The following SRBD1 variants were observed in gnomAD, a reference collection of about 807,000 sequenced individuals.
The protein encoded by SRBD1 is S1 RNA-binding domain-containing protein 1.
A neutral mutation model predicts 115.3 loss-of-function variants in SRBD1; 88 were observed. That is an observed-to-expected ratio of 0.76 (90% CI 0.64 to 0.91). SRBD1 has a LOEUF of 0.91. Ranked by LOEUF, SRBD1 falls within the 40% of genes least tolerant of loss-of-function variation. SRBD1 has a pLI of 0.00. For missense variants in SRBD1, 1,385 were observed against 1,177.4 expected, an observed-to-expected ratio of 1.18 and a Z score of -2.58; for synonymous variants, 509 against 407.7, an observed-to-expected ratio of 1.25 and a Z score of -2.99.
Position 45,585,737 on chromosome 2 carries a change from C to A in SRBD1, c.686G>T (p.Cys229Phe). The change falls in exon 5 of 21, where the codon TGT (cysteine) becomes TTT (phenylalanine). Residue 229 changes from cysteine (C) to phenylalanine (F), a missense_variant. Coordinates refer to ENST00000263736, the MANE Select transcript of SRBD1 (RefSeq NM_018079.5). ...SERTNIEPWV[C>F]ANIIRLFNDD... is the part of the protein sequence containing the mutation. The stretch of plus-strand genomic sequence containing the variant: ...ATTAAAGAGACGAATGATGTTGGCA[C>A]AAACCCAAGGTTCAATATTAGTTCT... 1.9e-6 allele frequency: 3 copies of A among 1,610,096 alleles called. No individual in the cohort carries two copies. Among genetic ancestry groups the A allele is most frequent in the African/African-American group, 1.3e-5 (1 of 74,794 alleles).
chr2:45,456,808 A>C (rs1447729862), intron 16 of SRBD1, among the ~76,000 whole-genome samples: 2 of 151,958 alleles, frequency 1.3e-5, no homozygotes, highest in Non-Finnish European at 2.9e-5. Flanking sequence ...AGGAAAATTA[A>C]TTACTTATGA....
intron 19 of SRBD1, among the ~76,000 whole-genome samples, chr2:45,394,049 G>T (rs1667077971): frequency 6.6e-6 from 1 of 151,918 alleles, no homozygotes; most frequent in Non-Finnish European, 1.5e-5. Flanking sequence ...TATAGGAGGG[G>T]ATATCAAAAA....
At chr2:45,520,073 CA>C (rs1671235883) in intron 14 of SRBD1, among the ~76,000 whole-genome samples, 1 of 152,042 alleles carries the variant, frequency 6.6e-6, no homozygotes, top group Non-Finnish European at 1.5e-5. Context: ...ACTAACAGGA[CA>C]AAAGTAAAAA....
intron 15 of SRBD1, among the ~76,000 whole-genome samples, chr2:45,483,871 T>C (rs187168189): frequency 3.3e-5 from 5 of 152,192 alleles, no homozygotes; most frequent in East Asian, 1.9e-4. Context: ...AATTACATTT[T>C]TGAACAAGAA....
At chr2:45,465,588 G>A (rs1203945750) in intron 16 of SRBD1, among the ~76,000 whole-genome samples, 1 of 152,088 alleles carries the variant, frequency 6.6e-6, no homozygotes, top group South Asian at 2.1e-4. Flanking sequence ...AAGACTGGAA[G>A]AAAACTAGAA....
intron 14 of SRBD1, among the ~76,000 whole-genome samples, chr2:45,542,150 C>G (rs1671962411): frequency 1.3e-5 from 2 of 152,252 alleles, no homozygotes; most frequent in African/African-American, 4.8e-5. Flanking sequence ...CCCAGCCTCA[C>G]TCCTGTGTTG....
intron 16 of SRBD1, among the ~76,000 whole-genome samples, chr2:45,451,753 AGAGACTTTAAGTTCAT>A (rs1669005288): frequency 6.6e-6 from 1 of 151,792 alleles, no homozygotes; most frequent in East Asian, 1.9e-4. Context: ...GCAGCAACGA[AGAGACTTTAAGTTCAT>A]GTAAATGATG....
chr2:45,570,717 TG>T (rs1672980069), intron 9 of SRBD1, among the ~76,000 whole-genome samples: 1 of 152,162 alleles, frequency 6.6e-6, no homozygotes, highest in Non-Finnish European at 1.5e-5. Context: ...CAGTGGCCTC[TG>T]AAGATGACAG....
rs754059089 is a variant in SRBD1, at chr2:45,599,448, C to T, written c.648+1G>A. ...AAGTGACAGAAAAAGGCTGCACATA[C>T]CTGTACCATGTCCCAATTCATTTCC... On this transcript the variant is annotated splice_donor_variant, in intron 4 of 20. Coordinates refer to ENST00000263736, the MANE Select transcript of SRBD1 (RefSeq NM_018079.5). LOFTEE classifies it high-confidence loss of function. The T allele has an allele frequency of 1.9e-6, 3 of 1,611,826 alleles. No homozygotes were observed. The African/African-American group carries it at 4.0e-5, about 22-fold the overall frequency.
intron 6 of SRBD1, among the ~76,000 whole-genome samples, chr2:45,581,207 C>A (rs532054077): frequency 7.2e-5 from 11 of 152,272 alleles, no homozygotes; most frequent in Non-Finnish European, 1.3e-4. Context: ...AGGGCACCAT[C>A]ATCTCCTGAT....
intron 16 of SRBD1, among the ~76,000 whole-genome samples, chr2:45,426,471 G>A (rs937931681): frequency 1.3e-5 from 2 of 152,172 alleles, no homozygotes; most frequent in Admixed American, 1.3e-4. Context: ...AGAAAGCAGT[G>A]GATCTCCCAG....
chr2:45,599,619 C>G lies in SRBD1; in HGVS notation c.478G>C (p.Val160Leu). ...TCCTTCTTGCATGTACCTCCCCACACAGTGCTTGTGGATGGTGTCTCTGAA... is the reference window on the plus strand; with the variant it reads ...TCCTTCTTGCATGTACCTCCCCACAGAGTGCTTGTGGATGGTGTCTCTGAA... ...NSSETPSTST[V>L]WGGTCKKEEN... is the part of the protein sequence containing the mutation. Residue 160 changes from valine (V) to leucine (L), a missense_variant, in exon 4 of 21, where the codon GTG becomes CTG. Val to Leu is a conservative substitution (Grantham distance 32). Transcript: ENST00000263736. The G allele has an allele frequency of 6.2e-7, 1 of 1,614,226 alleles. No homozygotes were observed. Among genetic ancestry groups the G allele is most frequent in the Non-Finnish European group, 8.5e-7 (1 of 1,180,028 alleles).
At chr2:45,460,213 C>G (rs925647200) in intron 16 of SRBD1, among the ~76,000 whole-genome samples, 1 of 152,160 alleles carries the variant, frequency 6.6e-6, no homozygotes, top group Non-Finnish European at 1.5e-5. Context: ...GCTGCCATCA[C>G]TGGGTCAGTG....
chr2:45,437,998 A>T (rs1328905781), intron 16 of SRBD1, among the ~76,000 whole-genome samples: 2 of 152,192 alleles, frequency 1.3e-5, no homozygotes, highest in African/African-American at 2.4e-5. Flanking sequence ...GTGTAACATT[A>T]TACCATAATG....
chr2:45,599,786 T>A lies in SRBD1; in HGVS notation c.311A>T (p.Lys104Ile), dbSNP rs1411173008. The A allele has an allele frequency of 5.6e-6, 9 of 1,614,024 alleles. No homozygotes were observed. The highest frequency in any genetic ancestry group is 7.6e-6 in the Non-Finnish European group (9 of 1,180,028). Residue 104 changes from lysine (K) to isoleucine (I), a missense_variant, in exon 4 of 21, where the codon AAA becomes ATA. Transcript: ENST00000263736. ...ADTALEDRKN[K>I]LDTVQTLKTA... The stretch of plus-strand genomic sequence containing the variant: ...TTTCAGAGTCTGTACAGTATCCAAT[T>A]TATTTTTTCTGTCTTCTAAAGCAGT...
intron 14 of SRBD1, among the ~76,000 whole-genome samples, chr2:45,528,783 C>A (rs1381794438): frequency 6.6e-6 from 1 of 151,632 alleles, no homozygotes; most frequent in Non-Finnish European, 1.5e-5. Flanking sequence ...GGAAGAGGTA[C>A]AAGAATGCCT....
At chr2:45,443,782 G>A (rs144860802) in intron 16 of SRBD1, among the ~76,000 whole-genome samples, 36 of 138,428 alleles carry the variant, frequency 2.6e-4, no homozygotes, top group African/African-American at 9.8e-4. Context: ...GTGGTTATAT[G>A]CAAATAGTTC....
At position 45,599,472 on chromosome 2, in the gene SRBD1, C is replaced by G. The variant is rs1674017993; in HGVS notation, c.625G>C (p.Glu209Gln). 1 of 1,613,760 alleles carries G rather than the reference C, an allele frequency of 6.2e-7. No homozygotes were observed. The highest frequency in any genetic ancestry group is 1.3e-5 in the African/African-American group (1 of 74,918). Residue 209 changes from glutamate (E) to glutamine (Q), a missense_variant, in exon 4 of 21, where the codon GAA (glutamate) becomes CAA (glutamine). Glu to Gln is a conservative substitution (Grantham distance 29, BLOSUM62 2). Coordinates refer to ENST00000263736, the MANE Select transcript of SRBD1 (RefSeq NM_018079.5). ...ACCTGTACCATGTCCCAATTCATTT[C>G]CACCTCCTCTTTAGTACTATTGGCA... ...ANANSTKEEV[E>Q]MNWDMVQVLS...
Position 45,536,145 on chromosome 2 carries a change from G to A in SRBD1, c.1874+10587C>T, listed in dbSNP as rs188399144. ...CTACTGAGAACACAACAGAATATTT[G>A]CATATTATATAATATAATTAAACAT... On this transcript the variant is annotated intron_variant, in intron 14 of 20. Transcript: ENST00000263736. Among the ~76,000 whole-genome samples, 426 of 151,884 alleles carry A rather than the reference G, an allele frequency of 2.8e-3. 1 individual carries two copies. Among genetic ancestry groups the A allele is most frequent in the African/African-American group, 9.6e-3 (400 of 41,458 alleles).
Sources: gnomAD v4.1 joint callset for allele counts (sites outside exome capture counted in the v4.1 genomes callset) on GRCh38, gnomAD v4.1.1 for gene constraint, MANE v1.5 for transcripts, NCBI Gene and HGNC (gene_info 2026-07-23, HGNC 2026-07-21) for gene names.